The following ASIC5 variants were observed in gnomAD, a reference collection of about 807,000 sequenced individuals.
ASIC5 encodes bile acid-sensitive ion channel.
Under a neutral mutation model 51.2 loss-of-function variants are expected in ASIC5, and 52 were observed. The observed-to-expected ratio is 1.02, with a 90% confidence interval of 0.81 to 1.28. ASIC5 has a LOEUF of 1.28. Among genes scored for constraint, ASIC5 ranks in the 50% most tolerant of loss-of-function variants. ASIC5 has a pLI of 0.00. For synonymous variants in ASIC5, 231 were observed against 200.7 expected, an observed-to-expected ratio of 1.15 and a Z score of -1.28; for missense variants, 635 against 595.0, an observed-to-expected ratio of 1.07 and a Z score of -0.70.
Position 155,829,872 on chromosome 4 carries a change from C to T in ASIC5, c.1502G>A (p.Arg501Lys), listed in dbSNP as rs539940060. ...AAGTGACCATTAACACTCCTCTATC[C>T]TATTTTTATTTCCCAGATGATTCTG... is the stretch of plus-strand genomic sequence containing the variant. ...PPQNHLGNKN[R>K]IEEC is the part of the protein sequence containing the mutation. The change falls in exon 10 of 10, where the codon AGG becomes AAG. Residue 501 changes from arginine to lysine, a missense_variant. By Grantham distance (26) the Arg-to-Lys change is conservative. Coordinates refer to ENST00000537611, the MANE Select transcript of ASIC5 (RefSeq NM_017419.3). The T allele has an allele frequency of 3.1e-6, 5 of 1,590,094 alleles. No individual in the cohort carries two copies. The South Asian group carries it at 4.6e-5, about 15-fold the overall frequency.
chr4:155,848,959 T>C (rs1741317875), intron 4 of ASIC5, among the ~76,000 whole-genome samples: 1 of 152,118 alleles, frequency 6.6e-6, no homozygotes, highest in Non-Finnish European at 1.5e-5. Flanking sequence ...TACTTTATCC[T>C]GTCTGCCTGA....
At position 155,829,850 on chromosome 4, in the gene ASIC5, TG is replaced by T; in HGVS notation, c.*5del. ...GAAAAGGAAACTATTTTATTCTAAG[TG>T]ACCATTAACACTCCTCTATCCTATT... On this transcript the variant is annotated 3_prime_UTR_variant, in exon 10 of 10. Coordinates refer to ENST00000537611, the MANE Select transcript of ASIC5 (RefSeq NM_017419.3). 1 of 1,498,190 alleles carries T rather than the reference TG, an allele frequency of 6.7e-7. No homozygotes were observed. The highest frequency in any genetic ancestry group is 1.4e-5 in the South Asian group (1 of 71,838). 92.8% of individuals were successfully genotyped at this position (1,498,190 alleles called of 1,614,324 possible). A position where few individuals can be genotyped will look rare whatever the true frequency, so the allele number is the denominator to read the frequency against.
chr4:155,863,690 C>T lies in ASIC5; in HGVS notation c.105G>A (p.Lys35=), dbSNP rs762956499. The change falls in exon 2 of 10, where the codon AAG becomes AAA. Residue 35 remains lysine (K), a synonymous_variant. Transcript: ENST00000537611. ...AGATGGCAAAGTCATGGTCAAACTT[C>T]TTTCGCTCAGTGGGAGATGGCAGTG... ...KKPLPSPTER[K]KFDHDFAIST... The T allele has an allele frequency of 1.1e-5, 17 of 1,613,846 alleles. No individual in the cohort carries two copies. The South Asian group carries it at 1.8e-4, about 17-fold the overall frequency.
chr4:155,843,649 C>T, intron 5 of ASIC5, 32 bp downstream of exon 5: 4 of 1,609,806 alleles, frequency 2.5e-6, no homozygotes, highest in Non-Finnish European at 3.4e-6. Flanking sequence ...CATTCACTAC[C>T]CCACCTAATT....
At chr4:155,833,038 A>G (rs1194645831) in intron 8 of ASIC5, among the ~76,000 whole-genome samples, 4 of 152,162 alleles carry the variant, frequency 2.6e-5, no homozygotes, top group Non-Finnish European at 4.4e-5. Flanking sequence ...ATGACTATAT[A>G]CAGTGGTCAC....
intron 9 of ASIC5, among the ~76,000 whole-genome samples, 190 bp from the exon 10 acceptor site, chr4:155,830,236 T>A (rs1239816341): frequency 6.6e-6 from 1 of 152,138 alleles, no homozygotes; most frequent in Non-Finnish European, 1.5e-5. Context: ...ATACAAATCA[T>A]CATAAAAAGC....
chr4:155,866,079 C>T lies in ASIC5; in HGVS notation c.40+108G>A, dbSNP rs966622137. On this transcript the variant is annotated intron_variant, in intron 1 of 9. Transcript: ENST00000537611. ...TATTACTTATATTGTGTTCAAGTAA[C>T]ATTGGAAATCAAATTTCCCAAATGA... 4.6e-6 allele frequency: 3 copies of T among 653,584 alleles called. No individual in the cohort carries two copies. The African/African-American group carries it at 5.5e-5, about 12-fold the overall frequency. 40.5% of individuals were successfully genotyped at this position (653,584 alleles called of 1,614,324 possible).
At chr4:155,833,632 C>T (rs1740918427) in intron 8 of ASIC5, among the ~76,000 whole-genome samples, 1 of 152,276 alleles carries the variant, frequency 6.6e-6, no homozygotes, top group African/African-American at 2.4e-5. Context: ...ATATTCCAAT[C>T]TCTTTGTCCC....
chr4:155,863,411 T>C (rs1383080188), intron 2 of ASIC5, 37 bp downstream of exon 2: 4 of 1,489,074 alleles, frequency 2.7e-6, no homozygotes, highest in Non-Finnish European at 3.7e-6. Context: ...CTAGCAAATT[T>C]ATAGGAACTA....
At chr4:155,838,906 A>G (rs772088183) in intron 6 of ASIC5, 37 bp from the exon 7 acceptor site, 2 of 1,193,222 alleles carry the variant, frequency 1.7e-6, no homozygotes, top group Non-Finnish European at 2.4e-6. Flanking sequence ...GAGACTTTAC[A>G]TTTTGTAAAA....
Position 155,832,572 on chromosome 4 carries a change from A to T in ASIC5, c.1236-657T>A, listed in dbSNP as rs944432522. 2.6e-5 allele frequency among the ~76,000 whole-genome samples: 4 copies of T among 152,156 alleles called. 1 individual carries two copies. The highest frequency in any genetic ancestry group is 2.6e-4 in the Admixed American group (4 of 15,268). On this transcript the variant is annotated intron_variant, in intron 8 of 9. Coordinates refer to ENST00000537611, the MANE Select transcript of ASIC5 (RefSeq NM_017419.3). Reference sequence around the variant, plus strand: ...GAAAGCCCTCACTTTCTCTATCACCAGCCTAGACCCCTACCTTGAACTTCA... The same window carrying T: ...GAAAGCCCTCACTTTCTCTATCACCTGCCTAGACCCCTACCTTGAACTTCA...
intron 4 of ASIC5, among the ~76,000 whole-genome samples, chr4:155,844,915 T>G (rs1367733792): frequency 6.6e-6 from 1 of 152,052 alleles, no homozygotes; most frequent in Non-Finnish European, 1.5e-5. Context: ...TAACACACTG[T>G]GCCAGGTAGC....
chr4:155,833,878 G>T (rs1740923407), intron 8 of ASIC5, among the ~76,000 whole-genome samples: 1 of 152,096 alleles, frequency 6.6e-6, no homozygotes, highest in Admixed American at 6.6e-5. Context: ...GGATTTAACA[G>T]GATTTGAGTC....
Position 155,842,362 on chromosome 4 carries a change from T to A in ASIC5, c.862-8A>T. ...GTATTCTTGATGAACTGTCTTAAGA[T>A]AAGATAAATACTGGGTTCAGGAGAT... On this transcript the variant is annotated splice_polypyrimidine_tract_variant and splice_region_variant and intron_variant, in intron 5 of 9. Coordinates refer to ENST00000537611, the MANE Select transcript of ASIC5 (RefSeq NM_017419.3). 6.2e-7 allele frequency: 1 copy of A among 1,605,762 alleles called. No individual in the cohort carries two copies. Among genetic ancestry groups the A allele is most frequent in the South Asian group, 1.1e-5 (1 of 90,180 alleles).
At chr4:155,855,618 T>C (rs1741516356) in intron 2 of ASIC5, among the ~76,000 whole-genome samples, 1 of 151,604 alleles carries the variant, frequency 6.6e-6, no homozygotes, top group Non-Finnish European at 1.5e-5. Flanking sequence ...ATATGGTGTA[T>C]GTGGTTTGTA....
rs1740908814 is a variant in ASIC5, at chr4:155,833,214, AC to A, written c.1236-1300del. Among the ~76,000 whole-genome samples, 2 of 152,214 alleles carry A rather than the reference AC, an allele frequency of 1.3e-5. 1 individual carries two copies. The highest frequency in any genetic ancestry group is 4.1e-4 in the South Asian group (2 of 4,828). ...AAGGGAGCAAATTAAAGATGAAACC[AC>A]CAAATGAATGGATCAATATTACCCT... is the stretch of plus-strand genomic sequence containing the variant. On this transcript the variant is annotated intron_variant, in intron 8 of 9. Transcript: ENST00000537611.
chr4:155,854,555 C>A (rs923749861), intron 2 of ASIC5, among the ~76,000 whole-genome samples: 1 of 151,980 alleles, frequency 6.6e-6, no homozygotes, highest in Non-Finnish European at 1.5e-5. Context: ...CTGGATGACA[C>A]CTAATGGATC....
At chr4:155,855,842 G>T (rs1384121473) in intron 2 of ASIC5, among the ~76,000 whole-genome samples, 1 of 151,926 alleles carries the variant, frequency 6.6e-6, no homozygotes, top group Non-Finnish European at 1.5e-5. Context: ...AAGTGGCCTT[G>T]CAAAGCTGTC....
At chr4:155,836,666 A>C (rs1399046) in intron 8 of ASIC5, 23 bp downstream of exon 8, 1,228,650 of 1,458,692 alleles carry the variant, frequency 0.84, 526,404 homozygotes, top group Non-Finnish European at 0.88. Flanking sequence ...ATTATCAATA[A>C]TTTAAAAGGC....
Sources: allele counts gnomAD v4.1 joint callset (sites outside exome capture counted in the v4.1 genomes callset), GRCh38; gene constraint gnomAD v4.1.1; transcripts MANE v1.5; gene names NCBI Gene and HGNC (gene_info 2026-07-23, HGNC 2026-07-21).